The following IL1RAPL1 variants were observed in gnomAD, a reference collection of about 807,000 sequenced individuals.
IL1RAPL1 encodes the protein interleukin 1 receptor accessory protein like 1.
IL1RAPL1 carries 3 observed loss-of-function variants against 48.4 expected under a neutral mutation model. That is an observed-to-expected ratio of 0.06 (90% confidence interval 0.03 to 0.16). IL1RAPL1 has a LOEUF of 0.16. Ranked by LOEUF, IL1RAPL1 falls within the 10% of genes least tolerant of loss-of-function variation. The pLI, the probability that IL1RAPL1 is intolerant of heterozygous loss-of-function variation, is 1.00. For missense variants in IL1RAPL1, 349 were observed against 530.6 expected, an observed-to-expected ratio of 0.66 and a Z score of 3.36; for synonymous variants, 185 against 187.7, an observed-to-expected ratio of 0.99 and a Z score of 0.12.
intron 1 of IL1RAPL1, among the ~76,000 whole-genome samples, chrX:28,609,663 A>ACAC (rs200576889): frequency 2.9e-5 from 3 of 103,278 alleles, no homozygotes; most frequent in South Asian, 4.4e-4. Flanking sequence ...ACACACACAC[A>ACAC]ACATACCTAC....
chrX:28,776,438 A>G (rs1181603518), intron 1 of IL1RAPL1, among the ~76,000 whole-genome samples: 1 of 111,926 alleles, frequency 8.9e-6, no homozygotes, highest in Non-Finnish European at 1.9e-5. Context: ...AGATAGTGAA[A>G]ATCTTTGAGC....
chrX:28,788,530 A>G lies in IL1RAPL1; in HGVS notation c.-24-790A>G, dbSNP rs187503355. Among the ~76,000 whole-genome samples the G allele has an allele frequency of 6.8e-3, 750 of 110,621 alleles. 8 individuals are homozygous for G. The highest frequency in any genetic ancestry group is 0.023 in the African/African-American group (709 of 30,343). ...TGCTTAGGCTGTAGTACAGTGACAC[A>G]ATCTCAGCTCACTGCAGCCTTGACC... On this transcript the variant is annotated intron_variant, in intron 1 of 10. Coordinates refer to ENST00000378993, the MANE Select transcript of IL1RAPL1 (RefSeq NM_014271.4).
intron 6 of IL1RAPL1, among the ~76,000 whole-genome samples, chrX:29,816,721 T>A (rs920491993): frequency 9.1e-6 from 1 of 110,280 alleles, no homozygotes; most frequent in Non-Finnish European, 1.9e-5. Flanking sequence ...AAAAGTTAAT[T>A]CTCCATGACC....
At chrX:29,177,641 A>G (rs1257253859) in intron 2 of IL1RAPL1, among the ~76,000 whole-genome samples, 2 of 112,157 alleles carry the variant, frequency 1.8e-5, no homozygotes, top group Non-Finnish European at 3.8e-5. Context: ...CATGTGCACA[A>G]CGTGCAGGTT....
intron 2 of IL1RAPL1, among the ~76,000 whole-genome samples, chrX:29,271,051 C>T (rs753446204): frequency 9.9e-4 from 110 of 111,443 alleles, no homozygotes; most frequent in Middle Eastern, 4.6e-3. Context: ...ATCTGTTGTT[C>T]TATTCTTTGT....
At chrX:29,190,970 A>C (rs1930341544) in intron 2 of IL1RAPL1, among the ~76,000 whole-genome samples, 1 of 112,192 alleles carries the variant, frequency 8.9e-6, no homozygotes, top group Non-Finnish European at 1.9e-5. Context: ...TTGACATGAA[A>C]AAATACTTAT....
intron 3 of IL1RAPL1, among the ~76,000 whole-genome samples, chrX:29,354,644 A>C (rs1333156739): frequency 8.9e-6 from 1 of 112,276 alleles, no homozygotes; most frequent in Non-Finnish European, 1.9e-5. Flanking sequence ...GCCCAGGAAA[A>C]GATCAAAATC....
chrX:29,280,024 C>T (rs760523624), intron 2 of IL1RAPL1, among the ~76,000 whole-genome samples: 7 of 111,796 alleles, frequency 6.3e-5, no homozygotes, highest in East Asian at 2.8e-4. Flanking sequence ...TCACTAGCAG[C>T]GATACCCTCC....
intron 2 of IL1RAPL1, among the ~76,000 whole-genome samples, chrX:29,232,361 T>C (rs1883623584): frequency 1.8e-5 from 2 of 112,153 alleles, no homozygotes; most frequent in Admixed American, 9.5e-5. Context: ...TTTTAATGCC[T>C]ACTATATGTT....
intron 3 of IL1RAPL1, among the ~76,000 whole-genome samples, chrX:29,383,733 A>G (rs1933740396): frequency 8.9e-6 from 1 of 112,076 alleles, no homozygotes; most frequent in Middle Eastern, 4.6e-3. Context: ...ATGGACTTGA[A>G]CTGATATTAA....
intron 1 of IL1RAPL1, among the ~76,000 whole-genome samples, chrX:28,689,740 T>G: frequency 8.9e-6 from 1 of 111,967 alleles, no homozygotes; most frequent in Middle Eastern, 4.6e-3. Context: ...TAACAATCTT[T>G]ATCAAACTCT....
At chrX:29,727,564 C>T (rs968451853) in intron 6 of IL1RAPL1, among the ~76,000 whole-genome samples, 6 of 111,867 alleles carry the variant, frequency 5.4e-5, no homozygotes, top group Non-Finnish European at 7.5e-5. Context: ...AAATGTGAGA[C>T]AGGTTCTCTG....
intron 2 of IL1RAPL1, among the ~76,000 whole-genome samples, chrX:29,164,816 G>C (rs1602090555): frequency 9.3e-6 from 1 of 107,901 alleles, no homozygotes. Context: ...GTGTGTGTGT[G>C]TATGTGTATC....
chrX:29,593,177 A>G (rs1923436820), intron 5 of IL1RAPL1, among the ~76,000 whole-genome samples: 1 of 111,176 alleles, frequency 9.0e-6, no homozygotes, highest in Admixed American at 9.6e-5. Context: ...TGAGTGTCTA[A>G]GGACACCAGT....
At position 29,632,594 on chromosome X, in the gene IL1RAPL1, G is replaced by A. The variant is rs753573621; in HGVS notation, c.704-35836G>A. ...AGAATGTTATTACTCTGGTGATACT[G>A]AAGTCCAATGAATCTGAAATAGCAT... On this transcript the variant is annotated intron_variant, in intron 5 of 10. Transcript: ENST00000378993. 2.7e-5 allele frequency among the ~76,000 whole-genome samples: 3 copies of A among 111,970 alleles called. No homozygotes were observed. The East Asian group carries it at 8.3e-4, about 31-fold the overall frequency.
Position 29,152,088 on chromosome X carries a change from C to T in IL1RAPL1, c.83-130850C>T, listed in dbSNP as rs773578547. Among the ~76,000 whole-genome samples, 5 of 111,295 alleles carry T rather than the reference C, an allele frequency of 4.5e-5. No individual in the cohort carries two copies. In the East Asian group the frequency reaches 1.4e-3, roughly 32 times the overall value. ...GAGGCCTCACAATCATGGCGGAAGG[C>T]AAAAGAGGAGCAAAGTCACGTCTTA... is the stretch of plus-strand genomic sequence containing the variant. On this transcript the variant is annotated intron_variant, in intron 2 of 10. Coordinates refer to ENST00000378993, the MANE Select transcript of IL1RAPL1 (RefSeq NM_014271.4).
At chrX:28,658,392 G>C (rs1175187317) in intron 1 of IL1RAPL1, among the ~76,000 whole-genome samples, 1 of 110,960 alleles carries the variant, frequency 9.0e-6, no homozygotes, top group Non-Finnish European at 1.9e-5. Flanking sequence ...TAATTTTTGT[G>C]TTTTAGTAGA....
chrX:29,573,638 A>G (rs1377157515), intron 5 of IL1RAPL1, among the ~76,000 whole-genome samples: 1 of 112,297 alleles, frequency 8.9e-6, no homozygotes, highest in Middle Eastern at 4.2e-3. Flanking sequence ...GTTCTTCATC[A>G]TCCTCCCATC....
intron 6 of IL1RAPL1, among the ~76,000 whole-genome samples, chrX:29,726,811 T>C (rs1403410228): frequency 1.8e-5 from 2 of 110,937 alleles, no homozygotes; most frequent in African/African-American, 6.6e-5. Context: ...TGAGATCTGA[T>C]CTCTATAGAA....
Sources: allele counts gnomAD v4.1 joint callset (sites outside exome capture counted in the v4.1 genomes callset), GRCh38; gene constraint gnomAD v4.1.1; transcripts MANE v1.5; gene names NCBI Gene and HGNC (gene_info 2026-07-23, HGNC 2026-07-21).